FGFR2: variants seen among roughly 807,000 people sequenced by gnomAD.
FGFR2 encodes BEK fibroblast growth factor receptor.
In FGFR2, 19 loss-of-function variants were observed where a neutral mutation model predicts 95.9. That is an observed-to-expected ratio of 0.20 (90% confidence interval 0.14 to 0.29). The LOEUF (loss-of-function observed/expected upper bound fraction) is 0.29. Among genes scored for constraint, FGFR2 ranks in the 10% least tolerant of loss-of-function variants. The probability of loss-of-function intolerance (pLI) is 1.00; values close to 1 mark genes in which losing one functional copy is unlikely to be tolerated. For missense variants in FGFR2, 707 were observed against 1,056.9 expected, an observed-to-expected ratio of 0.67 and a Z score of 4.59; for synonymous variants, 392 against 393.3, an observed-to-expected ratio of 1.00 and a Z score of 0.04.
chr10:121,492,991 G>T (rs1171917845), intron 13 of FGFR2, among the ~76,000 whole-genome samples: 1 of 152,082 alleles, frequency 6.6e-6, no homozygotes, highest in Non-Finnish European at 1.5e-5. Context: ...AGGAGACCTA[G>T]GTCTGGGACC....
rs76496447 is a variant in FGFR2 at position 121,483,122 on chromosome 10, A to G, written c.2301+576T>C. Among the ~76,000 whole-genome samples, 20 of 152,340 alleles carry G rather than the reference A, an allele frequency of 1.3e-4. No individual in the cohort carries two copies. In the East Asian group the frequency reaches 3.9e-3, roughly 29 times the overall value. Reference sequence around the variant, plus strand: ...GAAAATAAATATTTTAACAAAAGGTACATGTTTTTATGTAAAAATCATGTA... The same window carrying G: ...GAAAATAAATATTTTAACAAAAGGTGCATGTTTTTATGTAAAAATCATGTA... On this transcript the variant is annotated intron_variant, in intron 17 of 17. Coordinates refer to ENST00000358487, the MANE Select transcript of FGFR2 (RefSeq NM_000141.5).
chr10:121,562,188 C>T (rs1046002889), intron 4 of FGFR2, among the ~76,000 whole-genome samples: 3 of 152,088 alleles, frequency 2.0e-5, no homozygotes, highest in Non-Finnish European at 4.4e-5. Flanking sequence ...AACATTTACC[C>T]AAAGTAATTG....
rs374470981 is a variant in FGFR2 at position 121,493,723 on chromosome 10, C to T, written c.1863+2809G>A. 4.6e-5 allele frequency among the ~76,000 whole-genome samples: 7 copies of T among 152,272 alleles called. No individual in the cohort carries two copies. In the East Asian group the frequency reaches 1.4e-3, roughly 30 times the overall value. On this transcript the variant is annotated intron_variant, in intron 13 of 17. Transcript: ENST00000358487. ...GAACTCACAGCTCCCTTTGCTGCCT[C>T]CCAGCTGTTAGCCCACCCTCAGAGC...
At position 121,538,282 on chromosome 10, in the gene FGFR2, A is replaced by T. The variant is rs910495813; in HGVS notation, c.748+310T>A. 4 of 757,316 alleles carry T rather than the reference A, an allele frequency of 5.3e-6. No individual in the cohort carries two copies. In the Admixed American group the frequency reaches 7.1e-5, roughly 13 times the overall value. 46.9% of individuals were successfully genotyped at this position (757,316 alleles called of 1,614,324 possible). On this transcript the variant is annotated intron_variant, in intron 6 of 17. Coordinates refer to ENST00000358487, the MANE Select transcript of FGFR2 (RefSeq NM_000141.5). ...GCTACAGCACATCTGTACCCTTTTC[A>T]CCTGCCCAATTAACATTTTCAGAGT...
At chr10:121,562,675 G>C (rs541226448) in intron 4 of FGFR2, among the ~76,000 whole-genome samples, 23 of 152,278 alleles carry the variant, frequency 1.5e-4, no homozygotes, top group African/African-American at 3.9e-4. Context: ...GACCCATCAA[G>C]CCATGAAAAG....
At chr10:121,504,839 AG>A (rs1461287080) in intron 9 of FGFR2, among the ~76,000 whole-genome samples, 1 of 147,020 alleles carries the variant, frequency 6.8e-6, no homozygotes. Flanking sequence ...GGAAAAAAAA[AG>A]ACTCACACAG....
intron 4 of FGFR2, 121 bp from the exon 5 acceptor site, chr10:121,551,580 T>C (rs1799993936): frequency 1.1e-6 from 1 of 933,716 alleles, no homozygotes; most frequent in Admixed American, 2.4e-5. Context: ...TTTAAATCTT[T>C]GGGTAATATT....
In FGFR2 at chr10:121,496,467, C is replaced by T. The variant is rs1478675613; in HGVS notation, c.1863+65G>A. The T allele has an allele frequency of 1.6e-5, 24 of 1,507,936 alleles. No homozygotes were observed. In the East Asian group the frequency reaches 3.6e-4, roughly 23 times the overall value. The allele number at this position is 1,507,936 out of a possible 1,614,324, so 93.4% of individuals were successfully genotyped here. A position where few individuals can be genotyped will look rare whatever the true frequency, so the allele number is the denominator to read the frequency against. ...CTAGCAAATGAGCATGTCCAAATTG[C>T]CTGTTTTCTTTAAAGACATTTTTAG... is the stretch of plus-strand genomic sequence containing the variant. On this transcript the variant is annotated intron_variant, in intron 13 of 17. Transcript: ENST00000358487.
At position 121,569,645 on chromosome 10, in the gene FGFR2, C is replaced by T. The variant is rs368464495; in HGVS notation, c.110-3941G>A. Among the ~76,000 whole-genome samples, 8 of 152,326 alleles carry T rather than the reference C, an allele frequency of 5.3e-5. No individual in the cohort carries two copies. In the South Asian group the frequency reaches 1.4e-3, roughly 28 times the overall value. ...CCCAGTAAAACCAGATCAAAACTGT[C>T]ATCTAGATATCCAAGCTTCAAGGAT... On this transcript the variant is annotated intron_variant, in intron 2 of 17. Coordinates refer to ENST00000358487, the MANE Select transcript of FGFR2 (RefSeq NM_000141.5).
intron 2 of FGFR2, 34 bp from the exon 3 acceptor site, chr10:121,565,738 G>T (rs201747373): frequency 6.2e-7 from 1 of 1,613,816 alleles, no homozygotes; most frequent in Non-Finnish European, 8.5e-7. Context: ...GACGGAGACA[G>T]ATGGGAAGGA....
At chr10:121,486,512 G>A (rs1845424119) in intron 15 of FGFR2, among the ~76,000 whole-genome samples, 1 of 152,166 alleles carries the variant, frequency 6.6e-6, no homozygotes, top group South Asian at 2.1e-4. Flanking sequence ...CACAATCTCA[G>A]CTCACTGCAA....
intron 2 of FGFR2, among the ~76,000 whole-genome samples, chr10:121,581,533 G>A (rs1860864531): frequency 6.8e-6 from 1 of 147,200 alleles, no homozygotes; most frequent in Non-Finnish European, 1.5e-5. Context: ...GAGCCCAGGA[G>A]TTTGAGACCA....
chr10:121,550,408 G>A (rs1224830109), intron 5 of FGFR2, among the ~76,000 whole-genome samples: 1 of 152,188 alleles, frequency 6.6e-6, no homozygotes, highest in Non-Finnish European at 1.5e-5. Flanking sequence ...CTAAGTGGAT[G>A]AACAAAGGCT....
intron 5 of FGFR2, among the ~76,000 whole-genome samples, chr10:121,544,315 G>A (rs1449645227): frequency 6.6e-6 from 1 of 151,952 alleles, no homozygotes; most frequent in Non-Finnish European, 1.5e-5. Flanking sequence ...GCATGGTGGT[G>A]AGCACCTGTA....
rs2133770481 is a variant in FGFR2, at chr10:121,483,775, C to A, written c.2224G>T (p.Ala742Ser). The A allele has an allele frequency of 6.2e-7, 1 of 1,613,852 alleles. No individual in the cohort carries two copies. Among genetic ancestry groups the A allele is most frequent in the Non-Finnish European group, 8.5e-7 (1 of 1,179,858 alleles). The change falls in exon 17 of 18, where the codon GCA (alanine) becomes TCA (serine). Residue 742 changes from alanine to serine, a missense_variant. By Grantham distance (99) the Ala-to-Ser change is moderately conservative (BLOSUM62 1). This residue lies in a region of FGFR2 where 104 missense variants were observed against 214.2 expected (regional missense o/e 0.49). Transcript: ENST00000358487. ...LYMMMRDCWH[A>S]VPSQRPTFKQ... is the part of the protein sequence containing the mutation. ...AACGTTGGTCTCTGGGAGGGCACTG[C>A]ATGCCAACAGTCCCTCATCATCATG... is the stretch of plus-strand genomic sequence containing the variant.
At chr10:121,571,672 G>A (rs140664124) in intron 2 of FGFR2, among the ~76,000 whole-genome samples, 2 of 152,088 alleles carry the variant, frequency 1.3e-5, no homozygotes, top group African/African-American at 2.4e-5. Context: ...GGCCGGGCGC[G>A]GTGGCTCGTG....
At chr10:121,510,961 C>G (rs558556612) in intron 9 of FGFR2, among the ~76,000 whole-genome samples, 11 of 151,854 alleles carry the variant, frequency 7.2e-5, no homozygotes, top group Non-Finnish European at 1.5e-4. Flanking sequence ...ATCACCACAC[C>G]CAGCTAATTT....
intron 2 of FGFR2, among the ~76,000 whole-genome samples, chr10:121,569,589 G>A (rs1386938623): frequency 6.6e-6 from 1 of 152,216 alleles, no homozygotes; most frequent in Non-Finnish European, 1.5e-5. Context: ...GGACAGTTAA[G>A]ATGACTTGAC....
intron 9 of FGFR2, among the ~76,000 whole-genome samples, chr10:121,509,892 A>G (rs1363908346): frequency 6.6e-6 from 1 of 151,968 alleles, no homozygotes; most frequent in African/African-American, 2.4e-5. Flanking sequence ...ACGAATTAAT[A>G]TTTGTGTGTT....
Sources: gnomAD v4.1 joint callset for allele counts (sites outside exome capture counted in the v4.1 genomes callset) on GRCh38, gnomAD v4.1.1 for gene constraint, gnomAD v4.1.1 regional missense constraint, MANE v1.5 for transcripts, NCBI Gene and HGNC (gene_info 2026-07-23, HGNC 2026-07-21) for gene names.